TMEM177: variants seen among roughly 807,000 people sequenced by gnomAD.
TMEM177 encodes transmembrane protein 177.
In TMEM177, 4 loss-of-function variants were observed where a neutral mutation model predicts 14.2. The observed-to-expected ratio is 0.28, with a 90% CI of 0.14 to 0.64. The LOEUF (loss-of-function observed/expected upper bound fraction) is 0.64. TMEM177 is among the 30% of genes least tolerant of loss of function. The probability of loss-of-function intolerance (pLI) is 0.82; values close to 1 mark genes in which losing one functional copy is unlikely to be tolerated. For synonymous variants in TMEM177, 179 were observed against 174.5 expected (o/e 1.03, Z -0.20); for missense variants, 344 against 405.2 (o/e 0.85, Z 1.30).
the TMEM177 span, among the ~76,000 whole-genome samples, chr2:119,692,839 G>A: frequency 6.6e-6 from 1 of 152,042 alleles, no homozygotes; most frequent in Non-Finnish European, 1.5e-5. Context: ...CGGGTGTGGT[G>A]GTGGCACCTG....
the TMEM177 span, among the ~76,000 whole-genome samples, chr2:119,722,073 G>A: frequency 1.3e-5 from 2 of 152,304 alleles, no homozygotes; most frequent in East Asian, 3.9e-4. Context: ...AAACAAAGCT[G>A]ACGTTCTGTT....
chr2:119,680,730 G>A, intron 1 of TMEM177, 102 bp from the exon 2 acceptor site: 1 of 850,016 alleles, frequency 1.2e-6, no homozygotes, highest in East Asian at 2.7e-5. Flanking sequence ...TCACCACTAT[G>A]CTGTGTTACT....
chr2:119,722,623 G>A, the TMEM177 span, among the ~76,000 whole-genome samples: 1 of 152,340 alleles, frequency 6.6e-6, no homozygotes, highest in Admixed American at 6.5e-5. Flanking sequence ...CATGGTGTCT[G>A]ATATACAGCA....
Position 119,680,913 on chromosome 2 carries a change from G to C in TMEM177, c.60G>C (p.Leu20Phe), listed in dbSNP as rs371878463. 1 of 1,614,230 alleles carries C rather than the reference G, an allele frequency of 6.2e-7. No homozygotes were observed. Among genetic ancestry groups the C allele is most frequent in the African/African-American group, 1.3e-5 (1 of 75,060 alleles). ...AFVQRHRTGLLVGSCAGLFGV... is the reference protein window; with the variant it reads ...AFVQRHRTGLFVGSCAGLFGV... ...TGCAGAGACACAGGACAGGCCTCTT[G>C]GTGGGTTCCTGTGCAGGCCTGTTTG... Residue 20 changes from leucine (L) to phenylalanine (F), a missense_variant, in exon 2 of 2, where the codon TTG (leucine) becomes TTC (phenylalanine). Physicochemically the swap from Leu to Phe is conservative, Grantham distance 22. Transcript: ENST00000272521.
chr2:119,689,542 C>T (rs890939283), downstream of TMEM177, among the ~76,000 whole-genome samples: 1 of 152,202 alleles, frequency 6.6e-6, no homozygotes, highest in African/African-American at 2.4e-5. Flanking sequence ...TATAAGAACT[C>T]ATAAAATTTC....
the TMEM177 span, among the ~76,000 whole-genome samples, chr2:119,716,586 G>A: frequency 4.6e-5 from 7 of 152,184 alleles, no homozygotes; most frequent in African/African-American, 7.2e-5. Context: ...GGAACAATTT[G>A]TGTTGACTTG....
chr2:119,680,973 C>T lies in TMEM177; in HGVS notation c.120C>T (p.Pro40=), dbSNP rs116312030. Residue 40 remains proline (P), a synonymous_variant, in exon 2 of 2, where the codon CCC becomes CCT. Coordinates refer to ENST00000272521, the MANE Select transcript of TMEM177 (RefSeq NM_030577.3). ...TCTCGTACCACCTCTTCCCGGATCCCGTGGTCCAATGGCTCTACCAGTACT... is the reference window on the plus strand; with the variant it reads ...TCTCGTACCACCTCTTCCCGGATCCTGTGGTCCAATGGCTCTACCAGTACT... ...VPISYHLFPD[P]VVQWLYQYWP... 2.5e-4 allele frequency: 397 copies of T among 1,614,212 alleles called. 2 individuals carry two copies. In the East Asian group the frequency reaches 5.9e-3, roughly 24 times the overall value.
Position 119,681,645 on chromosome 2 carries a change from G to C in TMEM177, c.792G>C (p.Leu264Phe). 1 of 1,614,246 alleles carries C rather than the reference G, an allele frequency of 6.2e-7. No individual in the cohort carries two copies. The highest frequency in any genetic ancestry group is 8.5e-7 in the Non-Finnish European group (1 of 1,180,054). The change falls in exon 2 of 2, where the codon TTG becomes TTC. Residue 264 changes from leucine (L) to phenylalanine (F), a missense_variant. Coordinates refer to ENST00000272521, the MANE Select transcript of TMEM177 (RefSeq NM_030577.3). ...LSGNLALRSL[L>F]GKDGEKLYTP... ...GCAACCTGGCCCTGCGCAGTCTCTT[G>C]GGCAAAGACGGGGAGAAGCTGTATA...
chr2:119,710,303 G>A, the TMEM177 span, among the ~76,000 whole-genome samples: 1 of 152,230 alleles, frequency 6.6e-6, no homozygotes, highest in Non-Finnish European at 1.5e-5. Context: ...AGTGTATTGG[G>A]CAGTATTTTG....
the TMEM177 span, among the ~76,000 whole-genome samples, chr2:119,691,919 C>T: frequency 6.6e-6 from 1 of 152,240 alleles, no homozygotes; most frequent in African/African-American, 2.4e-5. Flanking sequence ...CACGTGCCCA[C>T]GTCCTGACAC....
chr2:119,697,173 G>A, the TMEM177 span, among the ~76,000 whole-genome samples: 29 of 152,276 alleles, frequency 1.9e-4, no homozygotes, highest in South Asian at 4.2e-3. Context: ...AACAAAACAC[G>A]GAACCAAACT....
chr2:119,694,490 C>T, the TMEM177 span, among the ~76,000 whole-genome samples: 1 of 152,248 alleles, frequency 6.6e-6, no homozygotes, highest in Non-Finnish European at 1.5e-5. Context: ...GGCCTTAGGG[C>T]CCCTCAGAGA....
chr2:119,698,946 A>G, the TMEM177 span: 4,107 of 156,304 alleles, frequency 0.026, 57 homozygotes, highest in Non-Finnish European at 0.032. Flanking sequence ...GCAGTGAGCC[A>G]ACACGATGCC....
the TMEM177 span, among the ~76,000 whole-genome samples, chr2:119,694,571 C>T: frequency 6.6e-5 from 10 of 152,234 alleles, no homozygotes; most frequent in African/African-American, 1.4e-4. Flanking sequence ...TGCTGTTGGC[C>T]GGGCACTGTC....
downstream of TMEM177, among the ~76,000 whole-genome samples, chr2:119,690,153 G>A (rs141627092): frequency 2.4e-4 from 37 of 152,270 alleles, no homozygotes; most frequent in East Asian, 1.2e-3. Context: ...TGATTGGATC[G>A]TGGGGGTGGC....
the TMEM177 span, among the ~76,000 whole-genome samples, chr2:119,703,087 T>C: frequency 2.2e-4 from 34 of 152,304 alleles, no homozygotes; most frequent in Non-Finnish European, 4.1e-4. Context: ...GAAGGGCCGG[T>C]GGAAGCCCAG....
At chr2:119,722,815 C>G in the TMEM177 span, among the ~76,000 whole-genome samples, 1 of 152,196 alleles carries the variant, frequency 6.6e-6, no homozygotes, top group South Asian at 2.1e-4. Flanking sequence ...GGGCCTTTAA[C>G]AGATACTTAT....
the TMEM177 span, among the ~76,000 whole-genome samples, chr2:119,723,511 T>G: frequency 6.6e-6 from 1 of 152,194 alleles, no homozygotes; most frequent in African/African-American, 2.4e-5. Flanking sequence ...AGGTTGTCAC[T>G]TGGGTGCCAG....
chr2:119,681,737 G>A lies in TMEM177; in HGVS notation c.884G>A (p.Arg295Gln), dbSNP rs144363227. Reference protein sequence around the residue: ...RIKHLPYTTRRDSVLQMWRGM... With the variant: ...RIKHLPYTTRQDSVLQMWRGM... ...AAACATTTACCCTACACCACCCGCC[G>A]GGACTCTGTGCTGCAGATGTGGAGG... The change falls in exon 2 of 2, where the codon CGG (arginine) becomes CAG (glutamine). Residue 295 changes from arginine (R) to glutamine (Q), a missense_variant. Transcript: ENST00000272521. The A allele has an allele frequency of 2.8e-5, 45 of 1,613,978 alleles. No individual in the cohort carries two copies. Among genetic ancestry groups the A allele is most frequent in the Middle Eastern group, 1.6e-4 (1 of 6,084 alleles).
Sources: allele counts gnomAD v4.1 joint callset (sites outside exome capture counted in the v4.1 genomes callset), GRCh38; gene constraint gnomAD v4.1.1; transcripts MANE v1.5; gene names NCBI Gene and HGNC (gene_info 2026-07-23, HGNC 2026-07-21).